KIAA0930: variants seen among roughly 807,000 people sequenced by gnomAD.
The protein encoded by KIAA0930 is uncharacterized protein KIAA0930.
Under a neutral mutation model 43.9 loss-of-function variants are expected in KIAA0930, and 24 were observed. That is an observed-to-expected ratio of 0.55 (90% CI 0.40 to 0.77). The LOEUF is 0.77. KIAA0930 is among the 30% of genes least tolerant of loss of function. The pLI is 0.00. For synonymous variants in KIAA0930, 259 were observed against 216.4 expected (o/e 1.20, Z -1.73); for missense variants, 461 against 574.2 (o/e 0.80, Z 2.02).
At chr22:45,223,829 A>G (rs1432019457) in intron 1 of KIAA0930, among the ~76,000 whole-genome samples, 1 of 151,246 alleles carries the variant, frequency 6.6e-6, no homozygotes, top group African/African-American at 2.4e-5. Context: ...CCAGATGAGC[A>G]CCCAGGATCA....
chr22:45,205,537 G>A (rs868473774), intron 4 of KIAA0930, 93 bp downstream of exon 4: 2 of 1,252,528 alleles, frequency 1.6e-6, no homozygotes, highest in South Asian at 1.2e-5. Context: ...TCACCTCCAG[G>A]GCAGAGAAGC....
Position 45,203,010 on chromosome 22 carries a change from C to T in KIAA0930, c.832G>A (p.Ala278Thr). The T allele has an allele frequency of 3.1e-6, 5 of 1,610,400 alleles. No individual in the cohort carries two copies. The highest frequency in any genetic ancestry group is 4.2e-6 in the Non-Finnish European group (5 of 1,178,378). ...CTTACCCGCTCGTGCATGGGCGAAG[C>T]TGGGCTGGAGTCCTCTTCAGTCCCA... is the stretch of plus-strand genomic sequence containing the variant. Reference protein sequence around the residue: ...PCGTEEDSSPASPMHERVTSF... With the variant: ...PCGTEEDSSPTSPMHERVTSF... The change falls in exon 7 of 10, where the codon GCT becomes ACT. Residue 278 changes from alanine to threonine, a missense_variant. Transcript: ENST00000336156.
chr22:45,236,366 G>C (rs962689392), intron 1 of KIAA0930: 7 of 152,318 alleles, frequency 4.6e-5, no homozygotes. Context: ...CTGAGCCAGG[G>C]ATTACTCCAG....
chr22:45,210,634 C>A (rs961592020), intron 2 of KIAA0930, among the ~76,000 whole-genome samples: 1 of 151,972 alleles, frequency 6.6e-6, no homozygotes, highest in East Asian at 1.9e-4. Context: ...CGATTGTACA[C>A]CCAGACAGGG....
chr22:45,238,481 C>T (rs1282718281), intron 1 of KIAA0930, among the ~76,000 whole-genome samples: 1 of 152,134 alleles, frequency 6.6e-6, no homozygotes, highest in African/African-American at 2.4e-5. Flanking sequence ...CAAACATGTG[C>T]CTGGCACAAA....
chr22:45,211,129 G>C (rs1033449274), intron 2 of KIAA0930, among the ~76,000 whole-genome samples: 8 of 152,178 alleles, frequency 5.3e-5, no homozygotes, highest in African/African-American at 1.4e-4. Flanking sequence ...GCAAGACCAG[G>C]CTCCAAGTAA....
At chr22:45,215,189 G>C (rs940134564) in intron 1 of KIAA0930, among the ~76,000 whole-genome samples, 1 of 152,204 alleles carries the variant, frequency 6.6e-6, no homozygotes, top group African/African-American at 2.4e-5. Flanking sequence ...CTGCACTCCG[G>C]CCTGGGAGAC....
In KIAA0930 at chr22:45,218,973, C is replaced by G. The variant is rs1164424485; in HGVS notation, c.65-6866G>C. On this transcript the variant is annotated intron_variant, in intron 1 of 9. Transcript: ENST00000336156. Reference sequence around the variant, plus strand: ...CACAGGGGCTGTGGGATCCACTTTCCAGCCGAGTGCCAATTTAACATAATT... The same window carrying G: ...CACAGGGGCTGTGGGATCCACTTTCGAGCCGAGTGCCAATTTAACATAATT... Among the ~76,000 whole-genome samples, 6 of 152,326 alleles carry G rather than the reference C, an allele frequency of 3.9e-5. No homozygotes were observed. In the East Asian group the frequency reaches 1.2e-3, roughly 29 times the overall value.
chr22:45,197,832 G>A lies in KIAA0930; in HGVS notation c.1132C>T (p.His378Tyr), dbSNP rs2083551057. The A allele has an allele frequency of 7.4e-6, 12 of 1,614,112 alleles. No individual in the cohort carries two copies. The highest frequency in any genetic ancestry group is 1.3e-5 in the African/African-American group (1 of 74,944). The change falls in exon 9 of 10, where the codon CAC becomes TAC. Residue 378 changes from histidine (H) to tyrosine (Y), a missense_variant. Coordinates refer to ENST00000336156, the MANE Select transcript of KIAA0930 (RefSeq NM_001009880.2). ...RADGNFLLYA[H>Y]LTYVTLPLHR... is the part of the protein sequence containing the mutation. ...AGCGGCAACGTGACGTAGGTTAAGT[G>A]TGCATAGAGAAGGAAGTTTCCATCT...
rs1366445723 is a variant in KIAA0930, at chr22:45,232,525, CG to C, written c.64+8114del. On this transcript the variant is annotated intron_variant, in intron 1 of 9. Coordinates refer to ENST00000336156, the MANE Select transcript of KIAA0930 (RefSeq NM_001009880.2). ...GATTCTTCACCCTGTTTGAGACAGT[CG>C]GGGTCCACTCTGAGTCTCCCCTGTC... Among the ~76,000 whole-genome samples, 29 of 152,240 alleles carry C rather than the reference CG, an allele frequency of 1.9e-4. No homozygotes were observed. In the East Asian group the frequency reaches 5.4e-3, roughly 28 times the overall value.
intron 1 of KIAA0930, among the ~76,000 whole-genome samples, chr22:45,216,418 C>G (rs6007504): frequency 5.1e-4 from 77 of 152,304 alleles, no homozygotes; most frequent in African/African-American, 1.8e-3. Flanking sequence ...TGGAGACCCT[C>G]TGCTCTGCTG....
intron 1 of KIAA0930, among the ~76,000 whole-genome samples, chr22:45,222,601 G>A (rs2083773874): frequency 6.6e-6 from 1 of 151,474 alleles, no homozygotes. Flanking sequence ...GAGCCACTGG[G>A]CCTGGCCAAA....
intron 2 of KIAA0930, among the ~76,000 whole-genome samples, chr22:45,210,736 C>T (rs1257173007): frequency 2.6e-5 from 4 of 152,216 alleles, no homozygotes; most frequent in Admixed American, 2.0e-4. Flanking sequence ...CCTCTTCATC[C>T]CTCCCAGAAA....
At position 45,212,035 on chromosome 22, in the gene KIAA0930, G is replaced by A; in HGVS notation, c.137C>T (p.Pro46Leu). 6.2e-7 allele frequency: 1 copy of A among 1,613,886 alleles called. No homozygotes were observed. The change falls in exon 2 of 10, where the codon CCC becomes CTC. Residue 46 changes from proline (P) to leucine (L), a missense_variant. Physicochemically the swap from Pro to Leu is moderately conservative, Grantham distance 98. Transcript: ENST00000336156. ...FSTYFMEKWA[P>L]RQDDMLFYVR... ...ATAGAAAAGCATGTCGTCCTGCCGG[G>A]GAGCCCATTTCTCCATGAAGTAGGT...
At chr22:45,216,494 T>C (rs1040344472) in intron 1 of KIAA0930, among the ~76,000 whole-genome samples, 1 of 152,102 alleles carries the variant, frequency 6.6e-6, no homozygotes, top group African/African-American at 2.4e-5. Context: ...CGTCAGTGGA[T>C]CCCAAACCTT....
At chr22:45,208,488 C>G (rs5766540) in intron 2 of KIAA0930, among the ~76,000 whole-genome samples, 6 of 99,386 alleles carry the variant, frequency 6.0e-5, no homozygotes, top group African/African-American at 1.9e-4. Context: ...CGACTCCACA[C>G]GCACGAGCTG....
chr22:45,235,284 T>C (rs2294199), intron 1 of KIAA0930: 58,751 of 152,132 alleles, frequency 0.39, 12,674 homozygotes, highest in South Asian at 0.5. Context: ...GCTGCAAAGA[T>C]GTCCATGCAG....
rs1453194345 is a variant in KIAA0930, at chr22:45,194,017, C to G, written c.*3159G>C. On this transcript the variant is annotated 3_prime_UTR_variant, in exon 10 of 10. Transcript: ENST00000336156. ...CCCAAATCCCCTTGAGACCAACATG[C>G]CTTAAAGGGGGTTTGGGTTTAAAGA... The G allele has an allele frequency of 6.9e-6, 1 of 145,540 alleles. No homozygotes were observed. Among genetic ancestry groups the G allele is most frequent in the Non-Finnish European group, 1.5e-5 (1 of 66,978 alleles). The allele number at this position is 145,540 out of a possible 1,614,324, so 9.0% of individuals were successfully genotyped here.
intron 3 of KIAA0930, 22 bp downstream of exon 3, chr22:45,205,771 C>CGGG: frequency 6.5e-5 from 46 of 710,466 alleles, no homozygotes; most frequent in Non-Finnish European, 1.0e-4. Context: ...CAATCCGCAG[C>CGGG]CCCACCCATC....
Sources: allele counts gnomAD v4.1 joint callset (sites outside exome capture counted in the v4.1 genomes callset), GRCh38; gene constraint gnomAD v4.1.1; transcripts MANE v1.5; gene names NCBI Gene and HGNC (gene_info 2026-07-23, HGNC 2026-07-21).